ISY1: variants seen among roughly 807,000 people sequenced by gnomAD.
The protein encoded by ISY1 is ISY1 spliceosome associated protein, also known as pre-mRNA-splicing factor ISY1 homolog.
A neutral mutation model predicts 54.4 loss-of-function variants in ISY1; 12 were observed. The ratio of observed to expected loss-of-function variants is 0.22; its 90% CI spans 0.14 to 0.36. The LOEUF (loss-of-function observed/expected upper bound fraction) is 0.36, where lower values mean the gene tolerates loss of function less well. ISY1 is among the 10% of genes least tolerant of loss of function. ISY1 has a pLI of 1.00. For missense variants in ISY1, 282 were observed against 342.2 expected (o/e 0.82, Z 1.39); for synonymous variants, 96 against 117.9 (o/e 0.81, Z 1.20).
chr3:129,130,566 A>G lies in ISY1; in HGVS notation c.734T>C (p.Val245Ala), dbSNP rs1197458651. 6.2e-7 allele frequency: 1 copy of G among 1,614,076 alleles called. No homozygotes were observed. The highest frequency in any genetic ancestry group is 1.3e-5 in the African/African-American group (1 of 75,044). ...TGGTCCTACCTCTTGCTGCGAGGGA[A>G]CAGGGACGTGAGCAATGAACTTCTG... ...SQQKFIAHVP[V>A]PSQQEIEEAL... Residue 245 changes from valine (V) to alanine (A), a missense_variant, in exon 10 of 11, where the codon GTT becomes GCT. Coordinates refer to ENST00000393295, the MANE Select transcript of ISY1 (RefSeq NM_020701.4).
intron 4 of ISY1, 31 bp downstream of exon 4, chr3:129,156,824 T>C (rs373846528): frequency 5.5e-5 from 89 of 1,606,236 alleles, no homozygotes; most frequent in South Asian, 4.7e-4. Context: ...ACTTGTTACT[T>C]CTACTGAAAT....
intron 6 of ISY1, among the ~76,000 whole-genome samples, chr3:129,144,547 C>T (rs574045058): frequency 3.3e-5 from 5 of 152,246 alleles, no homozygotes; most frequent in East Asian, 1.9e-4. Flanking sequence ...AAAGTGTGAA[C>T]GAATTAGGCT....
intron 5 of ISY1, among the ~76,000 whole-genome samples, chr3:129,150,365 T>C (rs1402002195): frequency 2.0e-5 from 3 of 152,206 alleles, no homozygotes; most frequent in Non-Finnish European, 4.4e-5. Context: ...GTTTCTTTAG[T>C]CATCGCATCC....
intron 7 of ISY1, among the ~76,000 whole-genome samples, chr3:129,138,598 T>C (rs1298749707): frequency 1.3e-5 from 2 of 151,318 alleles, no homozygotes; most frequent in Non-Finnish European, 1.5e-5. Flanking sequence ...GAGCCAAGAT[T>C]GGGCCACTGT....
chr3:129,138,367 G>A (rs941677382), intron 7 of ISY1, among the ~76,000 whole-genome samples: 12 of 151,814 alleles, frequency 7.9e-5, no homozygotes, highest in Admixed American at 7.2e-4. Flanking sequence ...TGGTCACGGT[G>A]GCTCACGCCT....
intron 6 of ISY1, 107 bp downstream of exon 6, chr3:129,145,654 G>A: frequency 9.5e-7 from 1 of 1,057,274 alleles, no homozygotes; most frequent in East Asian, 2.4e-5. Flanking sequence ...TACCCATCCT[G>A]TTCATAGCTT....
intron 5 of ISY1, among the ~76,000 whole-genome samples, chr3:129,154,691 T>TC (rs1429123459): frequency 2.0e-5 from 1 of 51,012 alleles, no homozygotes; most frequent in Non-Finnish European, 1.0e-4. Flanking sequence ...ATTTTATTGA[T>TC]CTTTTTTTTT....
chr3:129,134,988 G>C, intron 7 of ISY1, 34 bp from the exon 8 acceptor site: 1 of 1,581,890 alleles, frequency 6.3e-7, no homozygotes, highest in Non-Finnish European at 8.6e-7. Flanking sequence ...GAGTTTCCAA[G>C]TCATAATCAC....
chr3:129,160,944 T>A, intron 1 of ISY1, 29 bp downstream of exon 1: 1 of 208,910 alleles, frequency 4.8e-6, no homozygotes, highest in Non-Finnish European at 9.0e-6. Flanking sequence ...GCCCATCCAC[T>A]CGCTCCCTCA....
rs142909362 is a variant in ISY1, at chr3:129,151,832, T to C, written c.187+4801A>G. Among the ~76,000 whole-genome samples, 161 of 152,186 alleles carry C rather than the reference T, an allele frequency of 1.1e-3. 4 individuals are homozygous for C. The East Asian group carries it at 0.03, about 29-fold the overall frequency. On this transcript the variant is annotated intron_variant, in intron 5 of 10. Transcript: ENST00000393295. The stretch of plus-strand genomic sequence containing the variant: ...GAGGAAAGCATTCAATCCTTCACCA[T>C]TAAATAGTTTATTGGCTATGGGTTT...
intron 3 of ISY1, among the ~76,000 whole-genome samples, 181 bp from the exon 4 acceptor site, chr3:129,157,101 T>C (rs919975891): frequency 3.3e-5 from 5 of 152,198 alleles, no homozygotes; most frequent in Non-Finnish European, 5.9e-5. Flanking sequence ...AGGAAAAACA[T>C]TGATTGCATT....
intron 5 of ISY1, among the ~76,000 whole-genome samples, chr3:129,151,593 T>C (rs919135836): frequency 6.6e-5 from 10 of 152,096 alleles, no homozygotes; most frequent in Middle Eastern, 3.4e-3. Context: ...TGCACCACTG[T>C]ACTTCAGCCT....
rs1936346779 is a variant in ISY1, at chr3:129,134,950, A to T, written c.423T>A (p.Leu141=). The T allele has an allele frequency of 6.2e-7, 1 of 1,602,250 alleles. No homozygotes were observed. The highest frequency in any genetic ancestry group is 8.5e-7 in the Non-Finnish European group (1 of 1,174,292). The stretch of plus-strand genomic sequence containing the variant: ...CAGCACGTGTCTTTCTGGGAGGAGG[A>T]AGAGCTATAAGAAACAGAAATGGAG... The part of the protein sequence containing the change: ...GVRELFEKEP[L]PPPRKTRAEL... The change falls in exon 8 of 11, where the codon CTT becomes CTA. Residue 141 remains leucine (L), a synonymous_variant. Transcript: ENST00000393295.
intron 9 of ISY1, among the ~76,000 whole-genome samples, chr3:129,132,692 C>CTCCA (rs1936270035): frequency 6.6e-6 from 1 of 152,236 alleles, no homozygotes; most frequent in Non-Finnish European, 1.5e-5. Context: ...ATGAGCTACA[C>CTCCA]TCCAAGCCTC....
Position 129,133,960 on chromosome 3 carries a change from A to T in ISY1, c.663+114T>A, listed in dbSNP as rs1298969862. ...TGTTTTCACAGCCATCCTGCAGGTGAGCAAGCTGGGCTGTGAACCCTGACT... is the reference window on the plus strand; with the variant it reads ...TGTTTTCACAGCCATCCTGCAGGTGTGCAAGCTGGGCTGTGAACCCTGACT... On this transcript the variant is annotated intron_variant, in intron 9 of 10. Transcript: ENST00000393295. 5.2e-6 allele frequency: 8 copies of T among 1,529,836 alleles called. No homozygotes were observed. In the East Asian group the frequency reaches 1.6e-4, roughly 30 times the overall value. The allele number at this position is 1,529,836 out of a possible 1,614,324, so 94.8% of individuals were successfully genotyped here.
At chr3:129,145,653 T>C in intron 6 of ISY1, 108 bp downstream of exon 6, 1 of 1,023,704 alleles carries the variant, frequency 9.8e-7, no homozygotes, top group Non-Finnish European at 1.5e-6. Context: ...CTACCCATCC[T>C]GTTCATAGCT....
chr3:129,133,945 G>A, intron 9 of ISY1, 129 bp downstream of exon 9: 1 of 1,486,350 alleles, frequency 6.7e-7, no homozygotes, highest in Admixed American at 2.1e-5. Context: ...TGTTTTCACA[G>A]CCATCCTGCA....
At chr3:129,141,179 AGGGC>A (rs1297278267) in intron 6 of ISY1, among the ~76,000 whole-genome samples, 3 of 146,300 alleles carry the variant, frequency 2.1e-5, no homozygotes, top group East Asian at 4.3e-4. Flanking sequence ...TACTCCAGCC[AGGGC>A]TGGAGTAAAT....
intron 6 of ISY1, among the ~76,000 whole-genome samples, chr3:129,143,480 T>C (rs576890217): frequency 3.5e-4 from 52 of 147,496 alleles, no homozygotes; most frequent in Non-Finnish European, 6.5e-4. Flanking sequence ...CACTCCAGCC[T>C]GGGTGATGAA....
Sources: gnomAD v4.1 joint callset for allele counts (sites outside exome capture counted in the v4.1 genomes callset) on GRCh38, gnomAD v4.1.1 for gene constraint, MANE v1.5 for transcripts, NCBI Gene and HGNC (gene_info 2026-07-23, HGNC 2026-07-21) for gene names.